HEPHL1: variants seen among roughly 807,000 people sequenced by gnomAD.
The protein encoded by HEPHL1 is hephaestin like 1.
In HEPHL1, 123 loss-of-function variants were observed where a neutral mutation model predicts 122.0. The ratio of observed to expected loss-of-function variants is 1.01; its 90% CI spans 0.87 to 1.17. The LOEUF is 1.17. HEPHL1 is among the 50% of genes most tolerant of loss of function. HEPHL1 has a pLI of 0.00. For missense variants in HEPHL1, 1,452 were observed against 1,430.5 expected, an observed-to-expected ratio of 1.01 and a Z score of -0.24; for synonymous variants, 527 against 508.9, an observed-to-expected ratio of 1.04 and a Z score of -0.48.
At chr11:94,087,016 G>C (rs1946224222) in intron 11 of HEPHL1, among the ~76,000 whole-genome samples, 1 of 152,164 alleles carries the variant, frequency 6.6e-6, no homozygotes, top group Admixed American at 6.5e-5. Flanking sequence ...CTGCAGTTTA[G>C]ATGTCTCTGT....
chr11:94,098,444 C>G (rs1294038638), intron 13 of HEPHL1, among the ~76,000 whole-genome samples: 1 of 152,214 alleles, frequency 6.6e-6, no homozygotes, highest in Non-Finnish European at 1.5e-5. Context: ...CTGCCCATAA[C>G]ATTTTTTCCT....
At chr11:94,065,337 G>A (rs553423746) in intron 4 of HEPHL1, among the ~76,000 whole-genome samples, 2 of 152,108 alleles carry the variant, frequency 1.3e-5, no homozygotes, top group East Asian at 1.9e-4. Flanking sequence ...ATCATCTAAC[G>A]TCTCCATTTT....
intron 15 of HEPHL1, among the ~76,000 whole-genome samples, chr11:94,103,930 A>T (rs1946389338): frequency 6.6e-6 from 1 of 152,226 alleles, no homozygotes; most frequent in South Asian, 2.1e-4. Flanking sequence ...AGCACTTGTG[A>T]TGTGCAAATG....
chr11:94,037,399 C>G (rs1349817070), intron 1 of HEPHL1, among the ~76,000 whole-genome samples: 1 of 152,030 alleles, frequency 6.6e-6, no homozygotes, highest in Non-Finnish European at 1.5e-5. Context: ...CCTCTGTAGG[C>G]TCCACCTCTG....
intron 2 of HEPHL1, among the ~76,000 whole-genome samples, chr11:94,048,766 CCTT>C (rs3060380): frequency 0.33 from 50,687 of 151,804 alleles, 10,048 homozygotes; most frequent in South Asian, 0.46. Context: ...ACCCAGGAAA[CCTT>C]CTCTCTATCC....
At chr11:94,073,497 A>G in intron 8 of HEPHL1, 58 bp downstream of exon 8, 5 of 1,504,848 alleles carry the variant, frequency 3.3e-6, no homozygotes, top group Non-Finnish European at 4.5e-6. Context: ...GCACTTAGAA[A>G]TAAACAGTCC....
At chr11:94,050,954 T>C (rs1294147019) in intron 2 of HEPHL1, among the ~76,000 whole-genome samples, 3 of 152,124 alleles carry the variant, frequency 2.0e-5, no homozygotes, top group Non-Finnish European at 2.9e-5. Flanking sequence ...CTTAACATAA[T>C]GACCTCCGGT....
At chr11:94,026,256 C>A (rs1182728156) in intron 1 of HEPHL1, among the ~76,000 whole-genome samples, 2 of 152,182 alleles carry the variant, frequency 1.3e-5, no homozygotes, top group African/African-American at 4.8e-5. Context: ...CTGCATCAGC[C>A]TTTCAAAGGG....
chr11:94,058,635 T>C (rs1286822020), intron 2 of HEPHL1, among the ~76,000 whole-genome samples: 1 of 152,220 alleles, frequency 6.6e-6, no homozygotes, highest in Non-Finnish European at 1.5e-5. Flanking sequence ...AATGATAGAA[T>C]GAACTAGTGC....
At chr11:94,065,771 G>T (rs980301975) in intron 4 of HEPHL1, among the ~76,000 whole-genome samples, 1 of 152,136 alleles carries the variant, frequency 6.6e-6, no homozygotes, top group Non-Finnish European at 1.5e-5. Flanking sequence ...TACTAATTGT[G>T]ATTACTTAAG....
At chr11:94,081,243 A>T (rs1170054766) in intron 9 of HEPHL1, among the ~76,000 whole-genome samples, 5 of 152,194 alleles carry the variant, frequency 3.3e-5, no homozygotes, top group Admixed American at 3.3e-4. Flanking sequence ...GAGCTGAACA[A>T]TGAGAACACA....
intron 4 of HEPHL1, among the ~76,000 whole-genome samples, chr11:94,065,951 G>A (rs1270257198): frequency 2.0e-5 from 3 of 152,116 alleles, no homozygotes; most frequent in African/African-American, 4.8e-5. Flanking sequence ...TGAGAAGCAG[G>A]TGTGGGAGGA....
In HEPHL1 at chr11:94,086,114, C is replaced by T. The variant is rs138910855; in HGVS notation, c.2005C>T (p.Arg669Ter). The part of the protein sequence containing the change: ...IVFQGNTIHL[R>*]GTHRDSLALF... ...TTTTCAAGGGAACACCATCCACCTA[C>T]GAGGGACTCACCGAGACTCCCTGGC... The change falls in exon 11 of 20, where the codon CGA (arginine) becomes TGA (stop). Residue 669 changes from arginine to a stop codon, truncating the protein, a stop_gained. Coordinates refer to ENST00000315765, the MANE Select transcript of HEPHL1 (RefSeq NM_001098672.2). LOFTEE classifies it high-confidence loss of function. The T allele has an allele frequency of 2.7e-5, 43 of 1,613,432 alleles. No homozygotes were observed. The South Asian group carries it at 4.0e-4, about 15-fold the overall frequency.
intron 16 of HEPHL1, 68 bp from the exon 17 acceptor site, chr11:94,105,923 T>C (rs1591490443): frequency 9.0e-7 from 1 of 1,107,678 alleles, no homozygotes; most frequent in East Asian, 2.6e-5. Context: ...AAAGATCTTC[T>C]GGAAACATTT....
chr11:94,055,862 T>G, intron 2 of HEPHL1: 1 of 599,694 alleles, frequency 1.7e-6, no homozygotes, highest in Admixed American at 2.7e-5. Flanking sequence ...CTGCCAAAGA[T>G]TTAGCTCTGT....
chr11:94,070,588 A>G (rs1357295751), intron 6 of HEPHL1, 46 bp downstream of exon 6: 2 of 1,482,604 alleles, frequency 1.3e-6, no homozygotes, highest in Non-Finnish European at 1.9e-6. Context: ...TCAGAGAAGC[A>G]TGTGTTAGGC....
At chr11:94,030,002 A>C (rs533223034) in intron 1 of HEPHL1, among the ~76,000 whole-genome samples, 1 of 152,316 alleles carries the variant, frequency 6.6e-6, no homozygotes, top group Admixed American at 6.5e-5. Context: ...TGTGCTCCAC[A>C]TGCATCTGCA....
chr11:94,082,666 G>A, intron 10 of HEPHL1, 98 bp downstream of exon 10: 4 of 1,182,012 alleles, frequency 3.4e-6, no homozygotes, highest in Middle Eastern at 2.0e-4. Flanking sequence ...TTGGTTTCTT[G>A]GATATTGTTC....
intron 17 of HEPHL1, among the ~76,000 whole-genome samples, chr11:94,106,677 G>C (rs1466684965): frequency 6.6e-6 from 1 of 152,140 alleles, no homozygotes; most frequent in Non-Finnish European, 1.5e-5. Context: ...TCTCATTAGT[G>C]ATCTGGGGAT....
Sources: allele counts gnomAD v4.1 joint callset (sites outside exome capture counted in the v4.1 genomes callset), GRCh38; gene constraint gnomAD v4.1.1; transcripts MANE v1.5; gene names NCBI Gene and HGNC (gene_info 2026-07-23, HGNC 2026-07-21).